CCDC171: variants seen among roughly 807,000 people sequenced by gnomAD.
CCDC171 encodes coiled-coil domain containing 171.
In CCDC171, 177 loss-of-function variants were observed where a neutral mutation model predicts 168.2. That is an observed-to-expected ratio of 1.05 (90% CI 0.93 to 1.19). The LOEUF (loss-of-function observed/expected upper bound fraction) is 1.19, where lower values mean the gene tolerates loss of function less well. Among genes scored for constraint, CCDC171 ranks in the 50% most tolerant of loss-of-function variants. The probability of loss-of-function intolerance (pLI) is 0.00; values close to 1 mark genes in which losing one functional copy is unlikely to be tolerated. For missense variants in CCDC171, 1,991 were observed against 1,539.0 expected (o/e 1.29, Z -4.91); for synonymous variants, 687 against 540.8 (o/e 1.27, Z -3.75).
intron 16 of CCDC171, among the ~76,000 whole-genome samples, chr9:15,743,329 CTTAATTTTTTTTATTTTTTAT>C (rs1290706405): frequency 6.6e-6 from 1 of 151,642 alleles, no homozygotes; most frequent in African/African-American, 2.4e-5. Flanking sequence ...CTATTCCTGT[CTTAATTTTTTTTATTTTTTAT>C]TTGTGGAGAT....
At chr9:15,586,816 A>G (rs1164325994) in intron 4 of CCDC171, among the ~76,000 whole-genome samples, 1 of 151,926 alleles carries the variant, frequency 6.6e-6, no homozygotes, top group Non-Finnish European at 1.5e-5. Context: ...AATTATTATT[A>G]TTACTTTTAG....
At chr9:15,920,805 AT>A (rs1180276513) in intron 25 of CCDC171, among the ~76,000 whole-genome samples, 2 of 151,702 alleles carry the variant, frequency 1.3e-5, no homozygotes, top group African/African-American at 4.8e-5. Flanking sequence ...TAATTAGAAC[AT>A]GTGATTATTC....
In CCDC171 at chr9:15,887,541, C is replaced by T. The variant is rs890354485; in HGVS notation, c.3600+12878C>T. The stretch of plus-strand genomic sequence containing the variant: ...GTATTTGTTTGAGTGAACAGCAATT[C>T]ATGAGTTGTACAGCTCCAGGCCAGA... On this transcript the variant is annotated intron_variant, in intron 24 of 25. Coordinates refer to ENST00000380701, the MANE Select transcript of CCDC171 (RefSeq NM_173550.4). 7.1e-4 allele frequency among the ~76,000 whole-genome samples: 108 copies of T among 152,100 alleles called. 1 individual carries two copies. Among genetic ancestry groups the T allele is most frequent in the African/African-American group, 2.4e-3 (99 of 41,418 alleles).
chr9:15,930,937 C>T (rs1460003124), intron 25 of CCDC171, among the ~76,000 whole-genome samples: 1 of 151,564 alleles, frequency 6.6e-6, no homozygotes, highest in Non-Finnish European at 1.5e-5. Flanking sequence ...TCCATAATCT[C>T]ATGCATTTAT....
At chr9:16,079,577 C>T in the CCDC171 span, among the ~76,000 whole-genome samples, 2 of 152,148 alleles carry the variant, frequency 1.3e-5, no homozygotes, top group Admixed American at 6.5e-5. Context: ...AAAGATTGTC[C>T]GCAAATCACC....
At chr9:15,852,102 G>C (rs2061153795) in intron 23 of CCDC171, among the ~76,000 whole-genome samples, 1 of 151,790 alleles carries the variant, frequency 6.6e-6, no homozygotes, top group Non-Finnish European at 1.5e-5. Context: ...TATGTAGCTA[G>C]GAGTGGAACT....
intron 24 of CCDC171, among the ~76,000 whole-genome samples, chr9:15,876,483 A>G (rs558947124): frequency 1.3e-5 from 2 of 152,210 alleles, no homozygotes; most frequent in South Asian, 4.1e-4. Context: ...ACAACGGGTA[A>G]CTCCTCAGAT....
chr9:16,027,071 T>C (rs542274847), intron 6 of CCDC171, among the ~76,000 whole-genome samples: 2 of 152,312 alleles, frequency 1.3e-5, no homozygotes, highest in South Asian at 4.1e-4. Context: ...CAGAAGTAGT[T>C]TGGTGGTTTC....
intron 3 of CCDC171, among the ~76,000 whole-genome samples, chr9:16,019,177 G>A (rs1833100808): frequency 6.6e-6 from 1 of 152,162 alleles, no homozygotes. Flanking sequence ...ACTAGGGGAA[G>A]ATTTCTGAAC....
intron 25 of CCDC171, among the ~76,000 whole-genome samples, chr9:15,921,863 C>T (rs368388834): frequency 6.8e-4 from 103 of 151,600 alleles, no homozygotes; most frequent in African/African-American, 2.3e-3. Flanking sequence ...TTACATTATA[C>T]TGTTTAAGTT....
At chr9:15,613,632 C>G (rs544826251) in intron 6 of CCDC171, among the ~76,000 whole-genome samples, 37 of 151,504 alleles carry the variant, frequency 2.4e-4, no homozygotes, top group Non-Finnish European at 4.6e-4. Flanking sequence ...AAGCGGTTCT[C>G]CTGCCTCAGC....
Position 15,818,866 on chromosome 9 carries a change from A to G in CCDC171, c.3268-27836A>G, listed in dbSNP as rs1225965600. On this transcript the variant is annotated intron_variant, in intron 21 of 25. Transcript: ENST00000380701. ...AACGCCACAAAAATACTCCTCGAGA[A>G]GAGCAACTCTGAGACACATAATTGT... Among the ~76,000 whole-genome samples the G allele has an allele frequency of 2.6e-5, 3 of 116,946 alleles. 1 individual carries two copies. Among genetic ancestry groups the G allele is most frequent in the South Asian group, 5.5e-4 (2 of 3,610 alleles). 76.7% of individuals were successfully genotyped at this position (116,946 alleles called of 152,430 possible).
chr9:16,044,641 A>G (rs1241770548), intron 1 of CCDC171, among the ~76,000 whole-genome samples: 3 of 152,046 alleles, frequency 2.0e-5, no homozygotes, highest in African/African-American at 7.2e-5. Context: ...CACAGGCAAA[A>G]ATTTCCCTTC....
intron 6 of CCDC171, among the ~76,000 whole-genome samples, chr9:15,604,294 C>G (rs1347021250): frequency 2.0e-5 from 3 of 152,058 alleles, no homozygotes; most frequent in Non-Finnish European, 4.4e-5. Context: ...GTTGCAATTG[C>G]TTATGGTGAG....
At chr9:15,963,215 A>T (rs894665248) in intron 25 of CCDC171, among the ~76,000 whole-genome samples, 1 of 152,162 alleles carries the variant, frequency 6.6e-6, no homozygotes, top group Non-Finnish European at 1.5e-5. Flanking sequence ...TAGCATTAGG[A>T]GATATACCTA....
At chr9:15,607,484 C>G (rs1199167356) in intron 6 of CCDC171, among the ~76,000 whole-genome samples, 1 of 151,500 alleles carries the variant, frequency 6.6e-6, no homozygotes, top group African/African-American at 2.4e-5. Context: ...TTCTTTTAGA[C>G]AGGGTCTCAC....
chr9:15,882,262 CT>C (rs1563931126), intron 24 of CCDC171, among the ~76,000 whole-genome samples: 1 of 152,102 alleles, frequency 6.6e-6, no homozygotes, highest in East Asian at 1.9e-4. Flanking sequence ...CTATTCAGAT[CT>C]TTTTGCCACT....
In CCDC171 at chr9:15,636,103, A is replaced by G. The variant is rs563994781; in HGVS notation, c.822+12690A>G. Among the ~76,000 whole-genome samples the G allele has an allele frequency of 1.2e-4, 18 of 152,234 alleles. No individual in the cohort carries two copies. The East Asian group carries it at 2.7e-3, about 23-fold the overall frequency. On this transcript the variant is annotated intron_variant, in intron 7 of 25. Transcript: ENST00000380701. ...ATGTATCTTCTTTGGAGAAATAGCT[A>G]TTTAGACCCTTAGACCCTTCTCTTT...
chr9:15,863,536 A>G (rs2061648963), intron 23 of CCDC171, among the ~76,000 whole-genome samples: 2 of 151,824 alleles, frequency 1.3e-5, no homozygotes, highest in South Asian at 4.2e-4. Flanking sequence ...CCACCACCAA[A>G]TTTTGAATGT....
Sources: allele counts gnomAD v4.1 joint callset (sites outside exome capture counted in the v4.1 genomes callset), GRCh38; gene constraint gnomAD v4.1.1; transcripts MANE v1.5; gene names NCBI Gene and HGNC (gene_info 2026-07-23, HGNC 2026-07-21).